MGLL: variants seen among roughly 807,000 people sequenced by gnomAD.
MGLL encodes monoglyceride lipase.
MGLL carries 7 observed loss-of-function variants against 29.1 expected under a neutral mutation model. The ratio of observed to expected loss-of-function variants is 0.24; its 90% confidence interval spans 0.14 to 0.45. MGLL has a LOEUF of 0.45. Among genes scored for constraint, MGLL ranks in the 20% least tolerant of loss-of-function variants. The pLI, the probability that MGLL is intolerant of heterozygous loss-of-function variation, is 0.99. For synonymous variants in MGLL, 148 were observed against 168.3 expected, an observed-to-expected ratio of 0.88 and a Z score of 0.93; for missense variants, 356 against 413.6, an observed-to-expected ratio of 0.86 and a Z score of 1.21.
chr3:127,733,899 G>A (rs970267506), intron 3 of MGLL, among the ~76,000 whole-genome samples: 9 of 152,210 alleles, frequency 5.9e-5, no homozygotes, highest in Admixed American at 2.0e-4. Flanking sequence ...GTGTGCTGAC[G>A]TGGAGCAAGT....
chr3:127,801,709 T>G (rs1259500171), intron 2 of MGLL, among the ~76,000 whole-genome samples: 2 of 151,542 alleles, frequency 1.3e-5, no homozygotes, highest in Non-Finnish European at 2.9e-5. Context: ...CCCTAAAGTA[T>G]TTATTTCCTT....
chr3:127,816,972 G>C (rs144428674), intron 2 of MGLL, among the ~76,000 whole-genome samples: 1 of 152,346 alleles, frequency 6.6e-6, no homozygotes, highest in East Asian at 1.9e-4. Flanking sequence ...TGTCACCGAC[G>C]GGAAAATCCT....
rs1370439414 is a variant in MGLL, at chr3:127,692,111, TTTTTG to T, written c.*82_*86del. 2.5e-3 allele frequency: 2,403 copies of T among 962,874 alleles called. 2 individuals carry two copies. Among genetic ancestry groups the T allele is most frequent in the Non-Finnish European group, 2.6e-3 (1,790 of 697,726 alleles). 59.6% of individuals were successfully genotyped at this position (962,874 alleles called of 1,614,324 possible). A position where few individuals can be genotyped will look rare whatever the true frequency, so the allele number is the denominator to read the frequency against. On this transcript the variant is annotated 3_prime_UTR_variant, in exon 8 of 8. Coordinates refer to ENST00000265052, the MANE Select transcript of MGLL (RefSeq NM_007283.7). ...AATTTCTGATTTTTTTTTTTTTTTT[TTTTTG>T]GCAAGCCATATCTGAGAAGCCATCT...
intron 3 of MGLL, among the ~76,000 whole-genome samples, chr3:127,759,018 G>A (rs1216550007): frequency 1.3e-5 from 2 of 149,534 alleles, no homozygotes; most frequent in East Asian, 3.9e-4. Flanking sequence ...TGCCTCCCAG[G>A]TTCAAGTGAT....
chr3:127,749,008 C>A (rs561601630), intron 3 of MGLL, among the ~76,000 whole-genome samples: 24 of 152,354 alleles, frequency 1.6e-4, no homozygotes, highest in African/African-American at 5.5e-4. Context: ...ACCTTGCCCT[C>A]TGCCCCCTTC....
intron 3 of MGLL, chr3:127,735,903 G>A (rs749664247): frequency 1.3e-6 from 2 of 1,544,006 alleles, no homozygotes; most frequent in South Asian, 2.3e-5. Context: ...TCTGCAAAGA[G>A]ATGGGGCAGC....
intron 3 of MGLL, among the ~76,000 whole-genome samples, chr3:127,738,342 A>G (rs1025480824): frequency 1.3e-5 from 2 of 151,732 alleles, no homozygotes; most frequent in African/African-American, 4.8e-5. Flanking sequence ...TCCTGGAAGC[A>G]GGAAATGGTA....
At chr3:127,694,740 T>G (rs3773130) in intron 7 of MGLL, among the ~76,000 whole-genome samples, 6,973 of 152,328 alleles carry the variant, frequency 0.046, 407 homozygotes, top group African/African-American at 0.14. Context: ...TTGATTGTTC[T>G]TCTTCCCTTT....
intron 6 of MGLL, among the ~76,000 whole-genome samples, chr3:127,701,111 G>GCTGAGCTGACT (rs1382456604): frequency 4.0e-5 from 6 of 151,240 alleles, no homozygotes; most frequent in Admixed American, 4.0e-4. Flanking sequence ...GCTACTGCGG[G>GCTGAGCTGACT]GGCTGAGGTG....
chr3:127,820,935 G>A (rs1474509017), intron 2 of MGLL, among the ~76,000 whole-genome samples: 1 of 152,218 alleles, frequency 6.6e-6, no homozygotes, highest in Non-Finnish European at 1.5e-5. Context: ...GGAGCACAAA[G>A]AGAGACATAA....
intron 3 of MGLL, among the ~76,000 whole-genome samples, chr3:127,741,934 CA>C (rs139400286): frequency 0.035 from 5,346 of 152,252 alleles, 315 homozygotes; most frequent in African/African-American, 0.12. Flanking sequence ...AATATCCCAT[CA>C]GGGGATACAT....
chr3:127,808,933 A>G (rs1283252938), intron 2 of MGLL, among the ~76,000 whole-genome samples: 1 of 151,978 alleles, frequency 6.6e-6, no homozygotes, highest in Admixed American at 6.5e-5. Context: ...AAGAATCAGA[A>G]CATACCTGGT....
At chr3:127,758,640 C>G (rs960607872) in intron 3 of MGLL, among the ~76,000 whole-genome samples, 1 of 152,302 alleles carries the variant, frequency 6.6e-6, no homozygotes, top group Admixed American at 6.5e-5. Context: ...CCTAACAATT[C>G]GGCTGTACCG....
intron 3 of MGLL, among the ~76,000 whole-genome samples, chr3:127,755,393 G>T (rs2076644804): frequency 6.6e-6 from 1 of 152,188 alleles, no homozygotes; most frequent in Non-Finnish European, 1.5e-5. Context: ...TGGGGTCTCA[G>T]CTCCTTCCCT....
intron 3 of MGLL, among the ~76,000 whole-genome samples, chr3:127,739,556 G>C (rs951017518): frequency 6.6e-6 from 1 of 152,090 alleles, no homozygotes; most frequent in Admixed American, 6.6e-5. Flanking sequence ...GCTGAATGAC[G>C]CCTACGTAGC....
chr3:127,720,850 T>C (rs552917194), intron 5 of MGLL, among the ~76,000 whole-genome samples: 8 of 152,326 alleles, frequency 5.3e-5, no homozygotes, highest in African/African-American at 1.9e-4. Flanking sequence ...ATTGTCTTTT[T>C]GTCTTGGGGG....
At position 127,807,202 on chromosome 3, in the gene MGLL, T is replaced by C. The variant is rs6790303; in HGVS notation, c.155+14492A>G. ...GTCTTTACTTGTTTTAAGTCTAAGT[T>C]TGGGTCTTTCTTAAAATTTGTTCAT... is the stretch of plus-strand genomic sequence containing the variant. On this transcript the variant is annotated intron_variant, in intron 2 of 7. Coordinates refer to ENST00000265052, the MANE Select transcript of MGLL (RefSeq NM_007283.7). 4.4e-3 allele frequency among the ~76,000 whole-genome samples: 663 copies of C among 152,316 alleles called. 6 individuals carry two copies. The highest frequency in any genetic ancestry group is 0.016 in the African/African-American group (646 of 41,574).
intron 5 of MGLL, among the ~76,000 whole-genome samples, chr3:127,719,224 G>A (rs1240685736): frequency 2.0e-5 from 3 of 152,240 alleles, no homozygotes; most frequent in African/African-American, 7.2e-5. Context: ...GGAAACCCTT[G>A]TTGGTCCCAC....
At chr3:127,734,070 G>A (rs183817352) in intron 3 of MGLL, among the ~76,000 whole-genome samples, 74 of 152,376 alleles carry the variant, frequency 4.9e-4, no homozygotes, top group Admixed American at 9.8e-4. Context: ...AGCCTTTCCT[G>A]TGGTGGAGCC....
Sources: allele counts gnomAD v4.1 joint callset (sites outside exome capture counted in the v4.1 genomes callset), GRCh38; gene constraint gnomAD v4.1.1; transcripts MANE v1.5; gene names NCBI Gene and HGNC (gene_info 2026-07-23, HGNC 2026-07-21).